CPZ: variants seen among roughly 807,000 people sequenced by gnomAD.
The protein encoded by CPZ is carboxypeptidase Z, also known as VEZT/CPZ fusion.
CPZ carries 103 observed loss-of-function variants against 61.8 expected under a neutral mutation model. That is an observed-to-expected ratio of 1.67 (90% CI 1.42 to 1.96). The LOEUF is 1.96. Ranked by LOEUF, CPZ falls within the 30% of genes most tolerant of loss-of-function variation. The pLI is 0.00. For missense variants in CPZ, 1,461 were observed against 914.9 expected (o/e 1.60, Z -7.70); for synonymous variants, 551 against 373.7 (o/e 1.47, Z -5.47).
At position 8,619,467 on chromosome 4, in the gene CPZ, A is replaced by C. The variant is rs28514374; in HGVS notation, c.1809A>C (p.Pro603=). 3.1e-6 allele frequency: 5 copies of C among 1,610,858 alleles called. No homozygotes were observed. The highest frequency in any genetic ancestry group is 4.2e-6 in the Non-Finnish European group (5 of 1,177,972). ...TGCGGAGGACTGGGCCCCACGACCC[A>C]CTGGGAGGTGCCAGCTCTTTGGGGG... ...HGLRRTGPHD[P]LGGASSLGEA... Residue 603 remains proline, a synonymous_variant, in exon 11 of 11, where the codon CCA becomes CCC. Coordinates refer to ENST00000360986, the MANE Select transcript of CPZ (RefSeq NM_001014447.3).
At chr4:8,593,215 C>T (rs911685757) in intron 1 of CPZ, among the ~76,000 whole-genome samples, 2 of 152,164 alleles carry the variant, frequency 1.3e-5, no homozygotes, top group East Asian at 3.9e-4. Context: ...GACACAGCAG[C>T]AGGGGCGCCC....
At chr4:8,608,822 C>G (rs930653520) in intron 7 of CPZ, among the ~76,000 whole-genome samples, 4 of 152,118 alleles carry the variant, frequency 2.6e-5, no homozygotes, top group Non-Finnish European at 5.9e-5. Flanking sequence ...CCACCTGGTG[C>G]AGAGACCAAG....
At chr4:8,615,521 G>T (rs1274789539) in intron 9 of CPZ, among the ~76,000 whole-genome samples, 1 of 152,260 alleles carries the variant, frequency 6.6e-6, no homozygotes, top group Admixed American at 6.5e-5. Flanking sequence ...GCAAGGAGAG[G>T]TGAGGGCGCA....
At chr4:8,611,051 TTCGCTCAC>T (rs1350982098) in intron 7 of CPZ, 10 of 373,232 alleles carry the variant, frequency 2.7e-5, no homozygotes, top group African/African-American at 6.2e-5. Context: ...TGCTCACGCA[TTCGCTCAC>T]TCACTCATTC....
intron 3 of CPZ, chr4:8,603,106 C>T (rs1012776223): frequency 6.6e-6 from 1 of 152,282 alleles, no homozygotes; most frequent in Admixed American, 6.5e-5. Context: ...TAGTCTTTCC[C>T]CTGGAGAACC....
At chr4:8,606,315 C>A in intron 5 of CPZ, 130 bp downstream of exon 5, 3 of 909,526 alleles carry the variant, frequency 3.3e-6, no homozygotes, top group African/African-American at 1.7e-5. Flanking sequence ...CAGCAGGTGT[C>A]GATACTGGCA....
Position 8,606,878 on chromosome 4 carries a change from C to G in CPZ, c.1048C>G (p.Gln350Glu), listed in dbSNP as rs1185496211. Residue 350 changes from glutamine to glutamate, a missense_variant, in exon 6 of 11, where the codon CAG becomes GAG. By Grantham distance (29) the Gln-to-Glu change is conservative (BLOSUM62 2). Coordinates refer to ENST00000360986, the MANE Select transcript of CPZ (RefSeq NM_001014447.3). ...ACGCAGCGACCACATCCCCATCCCC[C>G]AGCACTACTGGTGGGGTAAGGTAGG... ...GARSDHIPIP[Q>E]HYWWGKVAPE... is the part of the protein sequence containing the mutation. The G allele has an allele frequency of 6.2e-7, 1 of 1,612,154 alleles. No homozygotes were observed. Among genetic ancestry groups the G allele is most frequent in the African/African-American group, 1.3e-5 (1 of 74,928 alleles).
In CPZ at chr4:8,613,334, G is replaced by T. The variant is rs190374547; in HGVS notation, c.1364-1025G>T. ...TTTAGTAGAGATGGGGTTTCACCAT[G>T]TTGGCCAGGATGGTCTTGATCTCCT... On this transcript the variant is annotated intron_variant, in intron 8 of 10. Coordinates refer to ENST00000360986, the MANE Select transcript of CPZ (RefSeq NM_001014447.3). Among the ~76,000 whole-genome samples the T allele has an allele frequency of 8.3e-4, 126 of 152,308 alleles. 2 individuals carry two copies. The highest frequency in any genetic ancestry group is 2.9e-4 in the Non-Finnish European group (20 of 68,034).
chr4:8,609,545 T>G (rs1049756109), intron 7 of CPZ, among the ~76,000 whole-genome samples: 3 of 137,912 alleles, frequency 2.2e-5, no homozygotes, highest in African/African-American at 1.1e-4. Flanking sequence ...CCTCCACTTC[T>G]GGCCTGGCCT....
chr4:8,600,749 G>A (rs1714516164), intron 2 of CPZ, among the ~76,000 whole-genome samples: 1 of 152,256 alleles, frequency 6.6e-6, no homozygotes, highest in Non-Finnish European at 1.5e-5. Context: ...TGTCTTTTGG[G>A]ACGTCTTTGT....
At chr4:8,616,404 G>C (rs1716164791) in intron 9 of CPZ, among the ~76,000 whole-genome samples, 1 of 152,194 alleles carries the variant, frequency 6.6e-6, no homozygotes. Context: ...ACTGCAGGCT[G>C]ATGCTGAGGG....
rs564983496 is a variant in CPZ at position 8,607,414 on chromosome 4, C to T, written c.1216C>T (p.Pro406Ser). The change falls in exon 7 of 11, where the codon CCC becomes TCC. Residue 406 changes from proline to serine, a missense_variant. By Grantham distance (74) the Pro-to-Ser change is moderately conservative. Transcript: ENST00000360986. The stretch of plus-strand genomic sequence containing the variant: ...GGAGGAGAAGATGTTTTCTCCCACG[C>T]CCGACGAGAAGGTGAGAGGGCTGTC... The part of the protein sequence containing the change: ...PQEEKMFSPT[P>S]DEKMFKLLSR... 6.2e-6 allele frequency: 10 copies of T among 1,613,944 alleles called. No homozygotes were observed. The South Asian group carries it at 9.9e-5, about 16-fold the overall frequency.
chr4:8,607,183 C>G lies in CPZ; in HGVS notation c.1069-84C>G. The G allele has an allele frequency of 4.0e-6, 6 of 1,483,194 alleles. No individual in the cohort carries two copies. The South Asian group carries it at 6.6e-5, about 16-fold the overall frequency. The allele number at this position is 1,483,194 out of a possible 1,614,324, so 91.9% of individuals were successfully genotyped here. ...CGTTAATAGTCTGCACCATTGGAGC[C>G]CAGAGGGCTGCTGAAGCCCAGGGCA... On this transcript the variant is annotated intron_variant, in intron 6 of 10. Coordinates refer to ENST00000360986, the MANE Select transcript of CPZ (RefSeq NM_001014447.3).
At chr4:8,609,232 T>TCACTTA (rs1560298269) in intron 7 of CPZ, among the ~76,000 whole-genome samples, 16 of 139,982 alleles carry the variant, frequency 1.1e-4, no homozygotes, top group African/African-American at 1.8e-4. Flanking sequence ...ACTCACTCAT[T>TCACTTA]GTCACTCATT....
At chr4:8,615,360 G>C (rs555849447) in intron 9 of CPZ, among the ~76,000 whole-genome samples, 1 of 152,344 alleles carries the variant, frequency 6.6e-6, no homozygotes, top group South Asian at 2.1e-4. Context: ...GGGACCCCAA[G>C]AAGGGTCCAG....
chr4:8,612,420 G>A (rs1326855975), intron 8 of CPZ, among the ~76,000 whole-genome samples: 1 of 152,202 alleles, frequency 6.6e-6, no homozygotes, highest in Non-Finnish European at 1.5e-5. Flanking sequence ...AAATGTCACG[G>A]TTTCACCCAT....
In CPZ at chr4:8,606,777, C is replaced by T. The variant is rs983032914; in HGVS notation, c.947C>T (p.Ala316Val). The T allele has an allele frequency of 2.5e-6, 4 of 1,614,030 alleles. No individual in the cohort carries two copies. The highest frequency in any genetic ancestry group is 1.3e-5 in the African/African-American group (1 of 74,936). ...GGGTGGACGAGCGGGAGGCAGAACG[C>T]GCAGAACCTGGATCTGAACCGAAAT... ...YNGWTSGRQN[A>V]QNLDLNRNFP... Residue 316 changes from alanine (A) to valine (V), a missense_variant, in exon 6 of 11, where the codon GCG becomes GTG. Physicochemically the swap from Ala to Val is moderately conservative, Grantham distance 64. Transcript: ENST00000360986.
At chr4:8,604,972 G>C (rs1203527367) in intron 4 of CPZ, among the ~76,000 whole-genome samples, 1 of 152,216 alleles carries the variant, frequency 6.6e-6, no homozygotes, top group Admixed American at 6.5e-5. Flanking sequence ...GGCCCCCAAG[G>C]CTCACTATGT....
At chr4:8,606,986 G>C in intron 6 of CPZ, 88 bp downstream of exon 6, 1 of 1,424,302 alleles carries the variant, frequency 7.0e-7, no homozygotes, top group South Asian at 1.4e-5. Context: ...GTCCTTCCCT[G>C]GGGACAGGAG....
Sources: gnomAD v4.1 joint callset for allele counts (sites outside exome capture counted in the v4.1 genomes callset) on GRCh38, gnomAD v4.1.1 for gene constraint, MANE v1.5 for transcripts, NCBI Gene and HGNC (gene_info 2026-07-23, HGNC 2026-07-21) for gene names.